The following ENOX2 variants were observed in gnomAD, a reference collection of about 807,000 sequenced individuals.
ENOX2 encodes the protein ecto-NOX disulfide-thiol exchanger 2.
In ENOX2, 36 loss-of-function variants were observed where a neutral mutation model predicts 45.0. The ratio of observed to expected loss-of-function variants is 0.80; its 90% CI spans 0.61 to 1.06. ENOX2 has a LOEUF of 1.06. ENOX2 is among the 50% of genes least tolerant of loss of function. The pLI, the probability that ENOX2 is intolerant of heterozygous loss-of-function variation, is 0.00. For missense variants in ENOX2, 423 were observed against 462.5 expected (o/e 0.91, Z 0.78); for synonymous variants, 174 against 152.3 (o/e 1.14, Z -1.05).
At chrX:130,713,076 A>G (rs1001493720) in intron 3 of ENOX2, among the ~76,000 whole-genome samples, 1 of 112,640 alleles carries the variant, frequency 8.9e-6, no homozygotes, top group African/African-American at 3.2e-5. Flanking sequence ...AAGGCCACAG[A>G]TACAGTTAAT....
At chrX:130,869,472 T>C (rs1201875518) in intron 2 of ENOX2, among the ~76,000 whole-genome samples, 1 of 111,614 alleles carries the variant, frequency 9.0e-6, no homozygotes, top group Admixed American at 9.5e-5. Context: ...AAACTCCAGC[T>C]ACCAAACTCA....
At chrX:130,709,386 C>T in intron 3 of ENOX2, 1 of 831,299 alleles carries the variant, frequency 1.2e-6, no homozygotes, top group African/African-American at 2.0e-5. Flanking sequence ...GCTTGTAAAT[C>T]CCAGCACTTT....
rs1569478089 is a variant in ENOX2 at position 130,637,228 on chromosome X, C to T, written c.1311+1G>A. The T allele has an allele frequency of 8.3e-7, 1 of 1,210,384 alleles. No homozygotes were observed. Among genetic ancestry groups the T allele is most frequent in the Non-Finnish European group, 1.1e-6 (1 of 894,333 alleles). ...AGCTCAGAAAACCAAAATGCCTTTA[C>T]CTGTTGCATTCCTTGCAGGGCTTGT... On this transcript the variant is annotated splice_donor_variant, in intron 11 of 14. Transcript: ENST00000394363. LOFTEE classifies it high-confidence loss of function.
chrX:130,632,883 T>G (rs1456400052), intron 12 of ENOX2, among the ~76,000 whole-genome samples: 1 of 112,238 alleles, frequency 8.9e-6, no homozygotes. Flanking sequence ...ACTAGCTCAC[T>G]TCTAAGCCAT....
chrX:130,845,937 T>C (rs1216737660), intron 2 of ENOX2, among the ~76,000 whole-genome samples: 1 of 112,627 alleles, frequency 8.9e-6, no homozygotes, highest in Non-Finnish European at 1.9e-5. Flanking sequence ...ACGTGCATTG[T>C]GCTTGCTGGT....
At chrX:130,719,956 C>T (rs865830231) in intron 3 of ENOX2, among the ~76,000 whole-genome samples, 1 of 111,743 alleles carries the variant, frequency 8.9e-6, no homozygotes. Context: ...ATTAGACTTG[C>T]AAACAAAGGA....
chrX:130,783,007 A>G (rs983314409), intron 3 of ENOX2, among the ~76,000 whole-genome samples: 1 of 111,975 alleles, frequency 8.9e-6, no homozygotes, highest in African/African-American at 3.3e-5. Context: ...CATAAAACAT[A>G]TGTAGGCATA....
At chrX:130,689,341 G>T (rs765986399) in intron 4 of ENOX2, among the ~76,000 whole-genome samples, 240 of 111,114 alleles carry the variant, frequency 2.2e-3, no homozygotes, top group African/African-American at 7.7e-3. Flanking sequence ...GCTCCATTCC[G>T]AGAAGGCTTT....
At chrX:130,820,988 G>A (rs912340067) in intron 2 of ENOX2, among the ~76,000 whole-genome samples, 1 of 112,343 alleles carries the variant, frequency 8.9e-6, no homozygotes, top group Non-Finnish European at 1.9e-5. Flanking sequence ...AGTATGTGAT[G>A]TAACACATAT....
chrX:130,874,801 TACAC>T (rs777069998), intron 2 of ENOX2, among the ~76,000 whole-genome samples: 16 of 111,043 alleles, frequency 1.4e-4, no homozygotes, highest in Admixed American at 4.8e-4. Flanking sequence ...TGTAGAGACA[TACAC>T]ACAGCCACTC....
At chrX:130,850,031 CTT>C (rs2078179675) in intron 2 of ENOX2, among the ~76,000 whole-genome samples, 1 of 111,741 alleles carries the variant, frequency 8.9e-6, no homozygotes, top group Admixed American at 9.5e-5. Context: ...GCTAAATCAT[CTT>C]TAACAATTCC....
rs771417404 is a variant in ENOX2 at position 130,902,803 on chromosome X, G to A, written c.-231+246C>T. Among the ~76,000 whole-genome samples the A allele has an allele frequency of 7.6e-3, 775 of 102,024 alleles. 7 individuals are homozygous for A. Among genetic ancestry groups the A allele is most frequent in the Non-Finnish European group, 0.013 (637 of 50,164 alleles). 88.6% of individuals were successfully genotyped at this position (102,024 alleles called of 115,157 possible). A position where few individuals can be genotyped will look rare whatever the true frequency, so the allele number is the denominator to read the frequency against. Reference sequence around the variant, plus strand: ...GTCGTGGGAAAAAAAAAAAGGGGCGGGCGAGTTGGACCAAAAAAAAAAAAA... The same window carrying A: ...GTCGTGGGAAAAAAAAAAAGGGGCGAGCGAGTTGGACCAAAAAAAAAAAAA... On this transcript the variant is annotated intron_variant, in intron 1 of 14. Coordinates refer to ENST00000394363, the MANE Select transcript of ENOX2 (RefSeq NM_006375.4).
chrX:130,664,766 A>G (rs947521043), intron 9 of ENOX2, among the ~76,000 whole-genome samples: 2 of 112,584 alleles, frequency 1.8e-5, no homozygotes, highest in African/African-American at 6.4e-5. Flanking sequence ...TGAGGCTCAC[A>G]CAGGTGAGAT....
intron 3 of ENOX2, among the ~76,000 whole-genome samples, chrX:130,763,736 T>A (rs910493067): frequency 9.0e-6 from 1 of 110,949 alleles, no homozygotes; most frequent in Non-Finnish European, 1.9e-5. Context: ...AGTTCCAGCT[T>A]GGTACTTTGC....
At chrX:130,746,146 T>C (rs2039092543) in intron 3 of ENOX2, among the ~76,000 whole-genome samples, 1 of 112,336 alleles carries the variant, frequency 8.9e-6, no homozygotes, top group East Asian at 2.8e-4. Context: ...TTCAAGCAAC[T>C]GGTGAGAAAG....
intron 1 of ENOX2, among the ~76,000 whole-genome samples, chrX:130,902,560 C>T (rs779124037): frequency 9.1e-6 from 1 of 109,743 alleles, no homozygotes; most frequent in South Asian, 4.0e-4. Context: ...ACGCCCTGAG[C>T]GTGGCAAGGA....
chrX:130,848,231 C>T (rs2078146876), intron 2 of ENOX2, among the ~76,000 whole-genome samples: 2 of 110,412 alleles, frequency 1.8e-5, no homozygotes, highest in Admixed American at 1.9e-4. Context: ...AAGATGAACA[C>T]CTGAAAAGAT....
At chrX:130,631,125 A>G (rs1299394189) in intron 13 of ENOX2, among the ~76,000 whole-genome samples, 1 of 111,001 alleles carries the variant, frequency 9.0e-6, no homozygotes, top group Non-Finnish European at 1.9e-5. Flanking sequence ...GGTCTGCGCT[A>G]GCCCCCTGAG....
chrX:130,670,940 C>A (rs6654616), intron 6 of ENOX2, among the ~76,000 whole-genome samples: 1,425 of 111,441 alleles, frequency 0.013, 22 homozygotes, highest in African/African-American at 0.044. Context: ...AGTACTTTTT[C>A]AGTTTCAAGA....
Sources: allele counts gnomAD v4.1 joint callset (sites outside exome capture counted in the v4.1 genomes callset), GRCh38; gene constraint gnomAD v4.1.1; transcripts MANE v1.5; gene names NCBI Gene and HGNC (gene_info 2026-07-23, HGNC 2026-07-21).